UBLCP1: variants seen among roughly 807,000 people sequenced by gnomAD.
UBLCP1 encodes ubiquitin-like domain-containing CTD phosphatase 1.
UBLCP1 carries 28 observed loss-of-function variants against 42.4 expected under a neutral mutation model. That is an observed-to-expected ratio of 0.66 (90% CI 0.49 to 0.90). UBLCP1 has a LOEUF of 0.90. UBLCP1 is among the 40% of genes least tolerant of loss of function. UBLCP1 has a pLI of 0.00. For missense variants in UBLCP1, 279 were observed against 374.5 expected, an observed-to-expected ratio of 0.75 and a Z score of 2.10; for synonymous variants, 122 against 120.8, an observed-to-expected ratio of 1.01 and a Z score of -0.07.
chr5:159,279,973 A>T (rs1244982250), intron 9 of UBLCP1, among the ~76,000 whole-genome samples: 2 of 152,202 alleles, frequency 1.3e-5, no homozygotes, highest in African/African-American at 4.8e-5. Context: ...TTGTTTTCCT[A>T]ACCAACATTT....
chr5:159,263,612 C>T lies in UBLCP1; in HGVS notation c.-47+252C>T, dbSNP rs144673264. 7.3e-3 allele frequency among the ~76,000 whole-genome samples: 1,109 copies of T among 152,314 alleles called. 15 individuals are homozygous for T. The highest frequency in any genetic ancestry group is 0.025 in the African/African-American group (1,050 of 41,574). ...GGGTTTTGCGTCCCCAAACTTCATT[C>T]CTCCGTCTTCTCAGGCTTGTCCATC... is the stretch of plus-strand genomic sequence containing the variant. On this transcript the variant is annotated intron_variant, in intron 1 of 10. Transcript: ENST00000296786.
At chr5:159,270,861 T>TA (rs1753456677) in intron 5 of UBLCP1, among the ~76,000 whole-genome samples, 6 of 149,470 alleles carry the variant, frequency 4.0e-5, no homozygotes, top group South Asian at 2.1e-4. Flanking sequence ...TCTTAGTAAT[T>TA]TGATATATAT....
chr5:159,265,249 G>A (rs1322698412), intron 1 of UBLCP1, among the ~76,000 whole-genome samples: 1 of 152,130 alleles, frequency 6.6e-6, no homozygotes, highest in Non-Finnish European at 1.5e-5. Context: ...TTTGGAAGTG[G>A]AGATTAAAAA....
intron 2 of UBLCP1, 127 bp from the exon 3 acceptor site, chr5:159,269,781 A>G (rs1386384418): frequency 1.3e-6 from 1 of 741,588 alleles, no homozygotes. Flanking sequence ...AATGTAGGAA[A>G]AAACAAAACA....
At chr5:159,275,091 A>G in intron 7 of UBLCP1, 57 bp from the exon 8 acceptor site, 1 of 1,495,308 alleles carries the variant, frequency 6.7e-7, no homozygotes, top group Non-Finnish European at 9.3e-7. Flanking sequence ...AATATTCAGA[A>G]AATCTGAAAT....
intron 4 of UBLCP1, 37 bp downstream of exon 4, chr5:159,270,482 T>C: frequency 2.5e-6 from 4 of 1,606,256 alleles, no homozygotes; most frequent in Non-Finnish European, 3.4e-6. Flanking sequence ...TCAGTTGTCA[T>C]GTGAGAACAA....
At chr5:159,274,119 A>T (rs1753505541) in intron 6 of UBLCP1, among the ~76,000 whole-genome samples, 1 of 152,146 alleles carries the variant, frequency 6.6e-6, no homozygotes, top group Non-Finnish European at 1.5e-5. Context: ...CAAAATGCAG[A>T]TTTTCACTGA....
chr5:159,271,871 CTTTT>C, intron 5 of UBLCP1, 148 bp from the exon 6 acceptor site: 1 of 506,826 alleles, frequency 2.0e-6, no homozygotes, highest in South Asian at 3.8e-5. Context: ...TGAAAGACAT[CTTTT>C]TGTCAGCCAA....
intron 6 of UBLCP1, chr5:159,274,347 A>T (rs1753508047): frequency 5.9e-6 from 2 of 341,048 alleles, no homozygotes. Context: ...TCTTTTGAGC[A>T]TGGATTACCT....
chr5:159,270,356 A>G lies in UBLCP1; in HGVS notation c.247-4A>G. The G allele has an allele frequency of 1.9e-6, 3 of 1,609,480 alleles. No individual in the cohort carries two copies. Among genetic ancestry groups the G allele is most frequent in the Non-Finnish European group, 2.5e-6 (3 of 1,177,458 alleles). On this transcript the variant is annotated splice_region_variant and splice_polypyrimidine_tract_variant and intron_variant, in intron 3 of 10. Coordinates refer to ENST00000296786, the MANE Select transcript of UBLCP1 (RefSeq NM_145049.5). ...GTAGAACAAAACTTTTTCCATCTTA[A>G]TAGGAAGATGTCTTAGGTCCACCCC...
At chr5:159,267,391 C>G (rs945027497) in intron 1 of UBLCP1, among the ~76,000 whole-genome samples, 16 of 152,196 alleles carry the variant, frequency 1.1e-4, no homozygotes, top group Non-Finnish European at 2.1e-4. Context: ...TACTCAATAC[C>G]TGTACCCCCA....
intron 3 of UBLCP1, 52 bp from the exon 4 acceptor site, chr5:159,270,308 T>G: frequency 3.6e-6 from 5 of 1,386,548 alleles, no homozygotes; most frequent in Non-Finnish European, 4.0e-6. Flanking sequence ...TATGCATGTA[T>G]TTGTTATATT....
intron 9 of UBLCP1, among the ~76,000 whole-genome samples, chr5:159,279,381 A>T (rs1195168567): frequency 6.6e-6 from 1 of 152,198 alleles, no homozygotes; most frequent in East Asian, 1.9e-4. Context: ...CCCATAGTTG[A>T]TTACATGTTG....
chr5:159,275,106 C>A, intron 7 of UBLCP1, 42 bp from the exon 8 acceptor site: 2 of 1,557,326 alleles, frequency 1.3e-6, no homozygotes, highest in Admixed American at 1.8e-5. Flanking sequence ...TGAAATTTTC[C>A]ACACTACTAT....
intron 9 of UBLCP1, 112 bp from the exon 10 acceptor site, chr5:159,283,100 T>C: frequency 9.3e-7 from 1 of 1,081,072 alleles, no homozygotes; most frequent in Non-Finnish European, 1.3e-6. Flanking sequence ...TTTTAGTATT[T>C]ATGTTCTTGG....
chr5:159,283,555 C>G (rs1293558546), intron 10 of UBLCP1, among the ~76,000 whole-genome samples: 2 of 151,988 alleles, frequency 1.3e-5, no homozygotes, highest in Non-Finnish European at 2.9e-5. Flanking sequence ...CTTGTAAACT[C>G]TTTAATACTT....
intron 6 of UBLCP1, among the ~76,000 whole-genome samples, chr5:159,272,642 G>A (rs997974839): frequency 1.3e-5 from 2 of 151,934 alleles, no homozygotes; most frequent in African/African-American, 4.8e-5. Flanking sequence ...AAAATACTTG[G>A]AAAAAGGTGT....
intron 1 of UBLCP1, among the ~76,000 whole-genome samples, chr5:159,265,213 G>A (rs898317947): frequency 2.6e-5 from 4 of 152,132 alleles, no homozygotes; most frequent in African/African-American, 9.7e-5. Context: ...TGGCCTTTTA[G>A]TAGGAGACAC....
intron 9 of UBLCP1, among the ~76,000 whole-genome samples, chr5:159,278,647 G>T (rs1584741129): frequency 6.6e-6 from 1 of 151,806 alleles, no homozygotes; most frequent in African/African-American, 2.4e-5. Context: ...ATCTCGGCTC[G>T]CTGCAATCTC....
Sources: gnomAD v4.1 joint callset for allele counts (sites outside exome capture counted in the v4.1 genomes callset) on GRCh38, gnomAD v4.1.1 for gene constraint, MANE v1.5 for transcripts, NCBI Gene and HGNC (gene_info 2026-07-23, HGNC 2026-07-21) for gene names.